Variants in DGKB observed in about 807,000 individuals in gnomAD.
DGKB encodes the protein diacylglycerol kinase beta.
A neutral mutation model predicts 114.3 loss-of-function variants in DGKB; 67 were observed. The observed-to-expected ratio is 0.59, with a 90% confidence interval of 0.48 to 0.72. The LOEUF is 0.72. DGKB is among the 30% of genes least tolerant of loss of function. The pLI is 0.00. For missense variants in DGKB, 907 were observed against 975.2 expected, an observed-to-expected ratio of 0.93 and a Z score of 0.93; for synonymous variants, 398 against 323.1, an observed-to-expected ratio of 1.23 and a Z score of -2.49.
intron 23 of DGKB, among the ~76,000 whole-genome samples, chr7:14,207,990 T>C (rs1016271316): frequency 1.3e-5 from 2 of 152,068 alleles, no homozygotes; most frequent in Non-Finnish European, 2.9e-5. Context: ...AGTTTGTTTG[T>C]AAAGCTCTAC....
At position 14,567,474 on chromosome 7, in the gene DGKB, T is replaced by A. The variant is rs1317694104; in HGVS notation, c.1770+6738A>T. Among the ~76,000 whole-genome samples, 234 of 74,922 alleles carry A rather than the reference T, an allele frequency of 3.1e-3. 4 individuals are homozygous for A. The highest frequency in any genetic ancestry group is 0.013 in the African/African-American group (222 of 17,750). 49.2% of individuals were successfully genotyped at this position (74,922 alleles called of 152,430 possible). A position where few individuals can be genotyped will look rare whatever the true frequency, so the allele number is the denominator to read the frequency against. The stretch of plus-strand genomic sequence containing the variant: ...TTATATATAATTATATATTTATATA[T>A]TATATATATTTATATATTATATATA... On this transcript the variant is annotated intron_variant, in intron 20 of 25. Transcript: ENST00000402815.
intron 23 of DGKB, among the ~76,000 whole-genome samples, chr7:14,189,857 A>G (rs371102737): frequency 1.3e-5 from 2 of 152,194 alleles, no homozygotes; most frequent in African/African-American, 2.4e-5. Flanking sequence ...AAGAGGATAT[A>G]ACAATTGTAA....
At chr7:14,700,536 G>C (rs552245445) in intron 7 of DGKB, among the ~76,000 whole-genome samples, 1 of 152,068 alleles carries the variant, frequency 6.6e-6, no homozygotes, top group Non-Finnish European at 1.5e-5. Flanking sequence ...AAATTACTGA[G>C]ACTTACAGAT....
At chr7:14,455,025 A>G (rs1433729938) in intron 21 of DGKB, among the ~76,000 whole-genome samples, 3 of 152,056 alleles carry the variant, frequency 2.0e-5, no homozygotes, top group Admixed American at 6.6e-5. Context: ...TCTTTTTCAT[A>G]TGACATCAGA....
Position 14,705,775 on chromosome 7 carries a change from T to C in DGKB, c.467-4045A>G, listed in dbSNP as rs866158785. Among the ~76,000 whole-genome samples, 63 of 152,038 alleles carry C rather than the reference T, an allele frequency of 4.1e-4. 1 individual carries two copies. Among genetic ancestry groups the C allele is most frequent in the South Asian group, 2.3e-3 (11 of 4,800 alleles). On this transcript the variant is annotated intron_variant, in intron 6 of 25. Coordinates refer to ENST00000402815, the MANE Select transcript of DGKB (RefSeq NM_001350709.2). Reference sequence around the variant, plus strand: ...CAGACAAGCAAATGCTAAGAGATTTTGTCACCACCAGACCTGCCCTAAAAG... The same window carrying C: ...CAGACAAGCAAATGCTAAGAGATTTCGTCACCACCAGACCTGCCCTAAAAG...
chr7:14,644,910 A>G (rs576049809), intron 13 of DGKB, among the ~76,000 whole-genome samples: 1 of 152,316 alleles, frequency 6.6e-6, no homozygotes, highest in South Asian at 2.1e-4. Context: ...GGGGACAGAC[A>G]AATTCCTAGG....
chr7:14,937,299 T>C (rs1332658701), intron 1 of DGKB, among the ~76,000 whole-genome samples: 1 of 152,062 alleles, frequency 6.6e-6, no homozygotes, highest in East Asian at 1.9e-4. Flanking sequence ...AAGACTCTCC[T>C]ATAAAAAGAC....
At position 14,245,942 on chromosome 7, in the gene DGKB, A is replaced by T. The variant is rs143654833; in HGVS notation, c.2123-67791T>A. On this transcript the variant is annotated intron_variant, in intron 23 of 25. Coordinates refer to ENST00000402815, the MANE Select transcript of DGKB (RefSeq NM_001350709.2). ...ATCCTGTCTCAAAAAACAAAAACAA[A>T]AACAAAAGAACAGAAAACATGCTTT... Among the ~76,000 whole-genome samples the T allele has an allele frequency of 5.2e-4, 79 of 152,254 alleles. 2 individuals are homozygous for T. The East Asian group carries it at 0.013, about 25-fold the overall frequency.
intron 25 of DGKB, among the ~76,000 whole-genome samples, chr7:14,154,419 T>G (rs1406118299): frequency 6.6e-6 from 1 of 152,008 alleles, no homozygotes; most frequent in Non-Finnish European, 1.5e-5. Flanking sequence ...CACCATTTCC[T>G]ATCTAGGGAC....
chr7:14,947,692 G>C (rs183758287), intron 1 of DGKB, among the ~76,000 whole-genome samples: 3 of 151,756 alleles, frequency 2.0e-5, no homozygotes, highest in African/African-American at 7.2e-5. Flanking sequence ...TAACATGTAT[G>C]TTCAAATAGA....
chr7:14,699,176 G>A (rs1824655365), intron 7 of DGKB, among the ~76,000 whole-genome samples: 1 of 151,874 alleles, frequency 6.6e-6, no homozygotes, highest in African/African-American at 2.4e-5. Flanking sequence ...AAGACAGGCT[G>A]CCCCAGAAGT....
At chr7:14,575,468 C>G (rs1798984197) in intron 19 of DGKB, among the ~76,000 whole-genome samples, 1 of 152,182 alleles carries the variant, frequency 6.6e-6, no homozygotes, top group African/African-American at 2.4e-5. Context: ...ATCACTGCAG[C>G]CTAACCCTGA....
chr7:14,548,976 A>G (rs1794716451), intron 20 of DGKB, among the ~76,000 whole-genome samples: 1 of 151,924 alleles, frequency 6.6e-6, no homozygotes. Flanking sequence ...TGGTGGTTGA[A>G]ATCAATGAGG....
At chr7:14,747,097 A>G (rs2128423546) in intron 4 of DGKB, among the ~76,000 whole-genome samples, 1 of 152,152 alleles carries the variant, frequency 6.6e-6, no homozygotes, top group African/African-American at 2.4e-5. Context: ...TTGTTTCTCA[A>G]ACTTCTTCAC....
intron 13 of DGKB, among the ~76,000 whole-genome samples, chr7:14,642,486 C>T (rs1429230150): frequency 6.6e-6 from 1 of 152,126 alleles, no homozygotes; most frequent in Non-Finnish European, 1.5e-5. Context: ...GAAACAAATA[C>T]AACTACACCG....
chr7:14,386,981 T>G (rs1820444393), intron 21 of DGKB, among the ~76,000 whole-genome samples: 1 of 152,072 alleles, frequency 6.6e-6, no homozygotes, highest in South Asian at 2.1e-4. Flanking sequence ...AAGTACTAAA[T>G]GGTACTTGCT....
chr7:14,657,758 C>T (rs1816153753), intron 13 of DGKB, among the ~76,000 whole-genome samples: 1 of 151,868 alleles, frequency 6.6e-6, no homozygotes, highest in Non-Finnish European at 1.5e-5. Flanking sequence ...AATAATATTA[C>T]AGAGAATTCA....
chr7:14,209,338 T>C (rs191510536), intron 23 of DGKB: 8 of 396,596 alleles, frequency 2.0e-5, no homozygotes, highest in Admixed American at 1.5e-4. Flanking sequence ...TAGAGAGATA[T>C]ATACGACAAG....
chr7:14,516,575 T>G (rs906097237), intron 20 of DGKB, among the ~76,000 whole-genome samples: 1 of 152,196 alleles, frequency 6.6e-6, no homozygotes, highest in Non-Finnish European at 1.5e-5. Flanking sequence ...AGTTCAACAC[T>G]GCCATGCAAG....
Sources: gnomAD v4.1 joint callset for allele counts (sites outside exome capture counted in the v4.1 genomes callset) on GRCh38, gnomAD v4.1.1 for gene constraint, MANE v1.5 for transcripts, NCBI Gene and HGNC (gene_info 2026-07-23, HGNC 2026-07-21) for gene names.